NHSL2: variants seen among roughly 807,000 people sequenced by gnomAD.
The protein encoded by NHSL2 is NHS like 2, also known as NHS-like protein 2.
Under a neutral mutation model 53.4 loss-of-function variants are expected in NHSL2, and 27 were observed. The observed-to-expected ratio is 0.51, with a 90% CI of 0.37 to 0.70. NHSL2 has a LOEUF of 0.70. Among genes scored for constraint, NHSL2 ranks in the 30% least tolerant of loss-of-function variants. The pLI is 0.00. For missense variants in NHSL2, 892 were observed against 980.1 expected (o/e 0.91, Z 1.20); for synonymous variants, 408 against 404.1 (o/e 1.01, Z -0.12).
intron 1 of NHSL2, among the ~76,000 whole-genome samples, chrX:72,115,102 G>A (rs757090633): frequency 9.0e-6 from 1 of 111,532 alleles, no homozygotes; most frequent in Non-Finnish European, 1.9e-5. Context: ...AGGTCGTGAT[G>A]AGGCAGAGTC....
chrX:72,053,182 G>T (rs761390685), intron 1 of NHSL2, among the ~76,000 whole-genome samples: 1 of 112,048 alleles, frequency 8.9e-6, no homozygotes, highest in African/African-American at 3.2e-5. Flanking sequence ...CAGGAATTAG[G>T]AGCCTTCTCT....
chrX:72,025,562 G>A (rs903305978), intron 1 of NHSL2, among the ~76,000 whole-genome samples: 1 of 112,667 alleles, frequency 8.9e-6, no homozygotes, highest in Non-Finnish European at 1.9e-5. Flanking sequence ...AGGTCTGTCC[G>A]ACCAGAGTCC....
At chrX:72,077,941 AG>A (rs1240581925) in intron 1 of NHSL2, among the ~76,000 whole-genome samples, 1 of 113,009 alleles carries the variant, frequency 8.8e-6, no homozygotes. Context: ...CAGCTCCAGC[AG>A]GGCTTCTGTG....
Position 72,097,550 on chromosome X carries a change from T to A in NHSL2, c.281-34529T>A, listed in dbSNP as rs181252609. Among the ~76,000 whole-genome samples the A allele has an allele frequency of 8.5e-3, 953 of 111,745 alleles. 9 individuals carry two copies. The highest frequency in any genetic ancestry group is 0.03 in the African/African-American group (909 of 30,685). Reference sequence around the variant, plus strand: ...CATTGAGAAGGAGTGTAAAAGAAAATTTGGTATTTTCCCACACCACTTGTC... The same window carrying A: ...CATTGAGAAGGAGTGTAAAAGAAAAATTGGTATTTTCCCACACCACTTGTC... On this transcript the variant is annotated intron_variant, in intron 1 of 7. Transcript: ENST00000633930.
intron 1 of NHSL2, among the ~76,000 whole-genome samples, chrX:72,059,197 C>T (rs186461417): frequency 9.0e-6 from 1 of 110,963 alleles, no homozygotes; most frequent in African/African-American, 3.3e-5. Flanking sequence ...TCCATATCAC[C>T]ACCATGGTCT....
At chrX:71,984,287 C>T (rs2041993515) in intron 1 of NHSL2, among the ~76,000 whole-genome samples, 1 of 111,950 alleles carries the variant, frequency 8.9e-6, no homozygotes, top group African/African-American at 3.2e-5. Flanking sequence ...AATAAGTATT[C>T]AATGTAAGAA....
rs1190762876 is a variant in NHSL2 at position 71,942,970 on chromosome X, CTCTGTG to C, written c.280+31605_280+31610del. On this transcript the variant is annotated intron_variant, in intron 1 of 7. Transcript: ENST00000633930. ...ATGCTCTCTCTCTCTCTCTCTCTCTCTCTGTGTGTGTGTGTGTGTGTGTGTGTGTGT... is the reference window on the plus strand; with the variant it reads ...ATGCTCTCTCTCTCTCTCTCTCTCTCTGTGTGTGTGTGTGTGTGTGTGTGT... Among the ~76,000 whole-genome samples the C allele has an allele frequency of 8.1e-3, 139 of 17,095 alleles. 1 individual carries two copies. Among genetic ancestry groups the C allele is most frequent in the African/African-American group, 0.02 (129 of 6,544 alleles). 14.8% of individuals were successfully genotyped at this position (17,095 alleles called of 115,157 possible). A position where few individuals can be genotyped will look rare whatever the true frequency, so the allele number is the denominator to read the frequency against.
chrX:72,056,738 C>T (rs150528250), intron 1 of NHSL2, among the ~76,000 whole-genome samples: 26 of 112,543 alleles, frequency 2.3e-4, no homozygotes, highest in African/African-American at 7.7e-4. Flanking sequence ...GGCCACCAGG[C>T]ATTCAATTCT....
At chrX:72,023,927 G>A (rs2042172576) in intron 1 of NHSL2, among the ~76,000 whole-genome samples, 2 of 111,383 alleles carry the variant, frequency 1.8e-5, no homozygotes, top group Admixed American at 1.9e-4. Flanking sequence ...TGGAACCGAC[G>A]GGAACTGTCA....
At chrX:72,069,605 G>T in intron 1 of NHSL2, 1 of 734,982 alleles carries the variant, frequency 1.4e-6, no homozygotes, top group Non-Finnish European at 1.8e-6. Flanking sequence ...GGAGGAGGAG[G>T]AGGAGTAGGA....
intron 1 of NHSL2, among the ~76,000 whole-genome samples, chrX:72,104,132 T>A (rs2042019059): frequency 8.9e-6 from 1 of 112,165 alleles, no homozygotes; most frequent in African/African-American, 3.2e-5. Context: ...GCCTGTGACT[T>A]TGTCTCGAAC....
chrX:72,034,214 C>T, intron 1 of NHSL2, among the ~76,000 whole-genome samples: 1 of 111,951 alleles, frequency 8.9e-6, no homozygotes, highest in Non-Finnish European at 1.9e-5. Context: ...TAGTAGATTA[C>T]ATTGATTTTT....
chrX:71,954,550 G>A (rs960257767), intron 1 of NHSL2, among the ~76,000 whole-genome samples: 1 of 112,198 alleles, frequency 8.9e-6, no homozygotes, highest in Admixed American at 9.4e-5. Context: ...AAACTGGCCA[G>A]AGCATCTCTG....
intron 1 of NHSL2, among the ~76,000 whole-genome samples, chrX:71,964,022 T>TAC (rs1232276909): frequency 1.2e-3 from 6 of 5,134 alleles, no homozygotes; most frequent in South Asian, 0.031. Context: ...TATATATATA[T>TAC]ATGTGTATAT....
At chrX:71,920,018 C>T (rs777429403) in intron 1 of NHSL2, among the ~76,000 whole-genome samples, 3 of 112,802 alleles carry the variant, frequency 2.7e-5, no homozygotes, top group African/African-American at 9.6e-5. Context: ...AACACCTTCT[C>T]ACAGAACTTA....
chrX:72,006,701 C>G (rs746405821), intron 1 of NHSL2, among the ~76,000 whole-genome samples: 4 of 112,406 alleles, frequency 3.6e-5, no homozygotes, highest in Non-Finnish European at 7.5e-5. Flanking sequence ...CACAGATGTG[C>G]CACCATGCCT....
At chrX:72,108,437 C>T in intron 1 of NHSL2, among the ~76,000 whole-genome samples, 1 of 112,635 alleles carries the variant, frequency 8.9e-6, no homozygotes, top group Non-Finnish European at 1.9e-5. Context: ...CGTCATTTTA[C>T]AGATGAGGAA....
At chrX:72,129,901 G>A (rs2147507096) in intron 1 of NHSL2, 3 of 1,208,388 alleles carry the variant, frequency 2.5e-6, no homozygotes, top group East Asian at 3.0e-5. Context: ...AAGCACAGGG[G>A]GGCGTCTTCG....
At chrX:72,051,816 A>T (rs764378120) in intron 1 of NHSL2, among the ~76,000 whole-genome samples, 8 of 110,045 alleles carry the variant, frequency 7.3e-5, no homozygotes, top group Non-Finnish European at 1.1e-4. Context: ...TTGCCTGCAC[A>T]CCTCTGGTCC....
Sources: allele counts gnomAD v4.1 joint callset (sites outside exome capture counted in the v4.1 genomes callset), GRCh38; gene constraint gnomAD v4.1.1; transcripts MANE v1.5; gene names NCBI Gene and HGNC (gene_info 2026-07-23, HGNC 2026-07-21).